The following DNAI1 variants were observed in gnomAD, a reference collection of about 807,000 sequenced individuals.
DNAI1 encodes dynein, axonemal, intermediate polypeptide 1.
In DNAI1, 67 loss-of-function variants were observed where a neutral mutation model predicts 92.0. The observed-to-expected ratio is 0.73, with a 90% CI of 0.60 to 0.89. The LOEUF is 0.89. Ranked by LOEUF, DNAI1 falls within the 40% of genes least tolerant of loss-of-function variation. The pLI is 0.00. For synonymous variants in DNAI1, 323 were observed against 319.6 expected (o/e 1.01, Z -0.11); for missense variants, 839 against 866.6 (o/e 0.97, Z 0.40).
chr9:34,506,422 C>T (rs576007119), intron 12 of DNAI1, among the ~76,000 whole-genome samples: 1 of 152,334 alleles, frequency 6.6e-6, no homozygotes, highest in African/African-American at 2.4e-5. Context: ...GTTGTTGGAT[C>T]TTTCCATGAT....
intron 1 of DNAI1, among the ~76,000 whole-genome samples, chr9:34,471,631 G>A (rs753094405): frequency 7.2e-5 from 11 of 151,912 alleles, no homozygotes; most frequent in Non-Finnish European, 1.3e-4. Context: ...TTAGCCAGGC[G>A]TGGTGGTGGG....
At chr9:34,492,493 G>GATAGATATATATATATATATATATAT (rs1554688186) in intron 8 of DNAI1, among the ~76,000 whole-genome samples, 4 of 68,258 alleles carry the variant, frequency 5.9e-5, no homozygotes, top group South Asian at 4.5e-4. Flanking sequence ...GGGATATGAA[G>GATAGATATATATATATATATATATAT]ATATATATAT....
At chr9:34,468,347 A>ATTTTTTT (rs376170581) in intron 1 of DNAI1, among the ~76,000 whole-genome samples, 1 of 141,954 alleles carries the variant, frequency 7.0e-6, no homozygotes. Flanking sequence ...CGCCTGGCTA[A>ATTTTTTT]TTTTTTTTTT....
chr9:34,470,569 G>A (rs1260111451), intron 1 of DNAI1, among the ~76,000 whole-genome samples: 3 of 152,150 alleles, frequency 2.0e-5, no homozygotes, highest in Non-Finnish European at 4.4e-5. Context: ...AAATCACAAA[G>A]TGTATGCCTC....
At chr9:34,473,230 C>T (rs1554684012) in intron 1 of DNAI1, among the ~76,000 whole-genome samples, 1 of 151,058 alleles carries the variant, frequency 6.6e-6, no homozygotes, top group Non-Finnish European at 1.5e-5. Flanking sequence ...TCATGTAAAA[C>T]ATATTTTGAA....
intron 16 of DNAI1, 90 bp downstream of exon 16, chr9:34,513,281 GAT>G (rs945860007): frequency 9.6e-7 from 1 of 1,041,326 alleles, no homozygotes; most frequent in African/African-American, 1.6e-5. Flanking sequence ...TATTTTGATG[GAT>G]TTTAGTTCCC....
intron 2 of DNAI1, 122 bp downstream of exon 2, chr9:34,483,602 C>A: frequency 1.1e-6 from 1 of 897,310 alleles, no homozygotes; most frequent in Non-Finnish European, 1.7e-6. Flanking sequence ...TAAAATCACC[C>A]TTAAACCTAC....
chr9:34,512,307 C>G (rs1825081093), intron 14 of DNAI1, 30 bp from the exon 15 acceptor site: 2 of 1,612,756 alleles, frequency 1.2e-6, no homozygotes, highest in East Asian at 2.2e-5. Flanking sequence ...ACGTGCCCTC[C>G]CCCCCACATC....
intron 1 of DNAI1, among the ~76,000 whole-genome samples, chr9:34,467,862 C>T (rs1824066599): frequency 6.6e-6 from 1 of 152,196 alleles, no homozygotes; most frequent in Non-Finnish European, 1.5e-5. Context: ...GTGAGTCACA[C>T]ATTTACCCTT....
At chr9:34,510,163 C>T (rs947764978) in intron 13 of DNAI1, among the ~76,000 whole-genome samples, 2 of 152,112 alleles carry the variant, frequency 1.3e-5, no homozygotes, top group Non-Finnish European at 2.9e-5. Context: ...CAGGCTGAGG[C>T]AGAAGGAGTT....
chr9:34,517,506 A>C, intron 19 of DNAI1, 39 bp downstream of exon 19: 1 of 1,613,162 alleles, frequency 6.2e-7, no homozygotes, highest in African/African-American at 1.3e-5. Flanking sequence ...CAAGACGTAA[A>C]GTCTCCAGGA....
chr9:34,466,032 C>T (rs1170363335), intron 1 of DNAI1, among the ~76,000 whole-genome samples: 1 of 152,194 alleles, frequency 6.6e-6, no homozygotes, highest in African/African-American at 2.4e-5. Flanking sequence ...TGAGAACCAA[C>T]TCAATCTTGG....
chr9:34,514,059 C>T (rs1010867725), intron 16 of DNAI1, among the ~76,000 whole-genome samples: 1 of 152,224 alleles, frequency 6.6e-6, no homozygotes, highest in African/African-American at 2.4e-5. Flanking sequence ...CAGACCACAC[C>T]TCACTCAGGG....
At chr9:34,492,497 T>G (rs11793699) in intron 8 of DNAI1, among the ~76,000 whole-genome samples, 2,273 of 22,946 alleles carry the variant, frequency 0.099, 100 homozygotes, top group South Asian at 0.26. Context: ...TATGAAGATA[T>G]ATATATATAT....
At chr9:34,494,332 T>C (rs1351909603) in intron 9 of DNAI1, among the ~76,000 whole-genome samples, 1 of 152,164 alleles carries the variant, frequency 6.6e-6, no homozygotes. Flanking sequence ...CTTGGCTTTA[T>C]AGGAACTGTC....
chr9:34,472,392 C>T (rs954232028), intron 1 of DNAI1, among the ~76,000 whole-genome samples: 1 of 152,192 alleles, frequency 6.6e-6, no homozygotes, highest in Non-Finnish European at 1.5e-5. Flanking sequence ...AAATCCGATA[C>T]TTTCTGGCCT....
chr9:34,493,387 G>T, intron 9 of DNAI1, 59 bp downstream of exon 9: 1 of 1,611,000 alleles, frequency 6.2e-7, no homozygotes, highest in Non-Finnish European at 8.5e-7. Flanking sequence ...CTTGGCCTCT[G>T]GGTAGACAGA....
intron 1 of DNAI1, among the ~76,000 whole-genome samples, chr9:34,470,043 A>G (rs1296426514): frequency 6.6e-6 from 1 of 152,266 alleles, no homozygotes; most frequent in Non-Finnish European, 1.5e-5. Context: ...ATGTTATGAG[A>G]TTATTACATT....
chr9:34,488,099 A>G (rs1442046086), intron 4 of DNAI1: 5 of 401,856 alleles, frequency 1.2e-5, no homozygotes, highest in Non-Finnish European at 2.5e-5. Context: ...TTTATTGAAC[A>G]TTAATATTGA....
Sources: allele counts gnomAD v4.1 joint callset (sites outside exome capture counted in the v4.1 genomes callset), GRCh38; gene constraint gnomAD v4.1.1; transcripts MANE v1.5; gene names NCBI Gene and HGNC (gene_info 2026-07-23, HGNC 2026-07-21).